The following GRK5 variants were observed in gnomAD, a reference collection of about 807,000 sequenced individuals.
The protein encoded by GRK5 is G protein-coupled receptor kinase 5.
In GRK5, 40 loss-of-function variants were observed where a neutral mutation model predicts 78.4. That is an observed-to-expected ratio of 0.51 (90% CI 0.40 to 0.66). The LOEUF is 0.66. GRK5 is among the 30% of genes least tolerant of loss of function. GRK5 has a pLI of 0.00. For missense variants in GRK5, 598 were observed against 759.9 expected, an observed-to-expected ratio of 0.79 and a Z score of 2.50; for synonymous variants, 289 against 296.8, an observed-to-expected ratio of 0.97 and a Z score of 0.27.
At chr10:119,296,752 A>AG (rs1850089087) in intron 1 of GRK5, among the ~76,000 whole-genome samples, 1 of 152,124 alleles carries the variant, frequency 6.6e-6, no homozygotes, top group African/African-American at 2.4e-5. Context: ...ACAACCCTTG[A>AG]GGGGGGTTGT....
chr10:119,430,593 A>G lies in GRK5; in HGVS notation c.597+155A>G, dbSNP rs1308235473. Among the ~76,000 whole-genome samples, 2 of 152,038 alleles carry G rather than the reference A, an allele frequency of 1.3e-5. No homozygotes were observed. The highest frequency in any genetic ancestry group is 2.9e-5 in the Non-Finnish European group (2 of 67,994). On this transcript the variant is annotated intron_variant, in intron 7 of 15. Transcript: ENST00000392870. The surrounding 1 kb of genome is among the most constrained non-coding windows in gnomAD (Gnocchi z 4.5). ...GGGGCAGTGAGGGTGGGAGAGAGTC[A>G]GTGGCCTTGGGGCTATCAGGTGTGT...
At chr10:119,366,054 C>T (rs556416514) in intron 2 of GRK5, among the ~76,000 whole-genome samples, 4 of 152,312 alleles carry the variant, frequency 2.6e-5, no homozygotes, top group South Asian at 2.1e-4. Flanking sequence ...TGCTCCAAGT[C>T]GGGTCCACCC....
At chr10:119,306,859 T>C (rs1431685721) in intron 1 of GRK5, among the ~76,000 whole-genome samples, 3 of 151,922 alleles carry the variant, frequency 2.0e-5, no homozygotes, top group Admixed American at 6.6e-5. Context: ...TGGGGAGACA[T>C]GGGGGATGCT....
chr10:119,392,581 T>G lies in GRK5; in HGVS notation c.262-4114T>G, dbSNP rs1271424812. Among the ~76,000 whole-genome samples, 3 of 152,180 alleles carry G rather than the reference T, an allele frequency of 2.0e-5. No individual in the cohort carries two copies. In the East Asian group the frequency reaches 5.8e-4, roughly 29 times the overall value. On this transcript the variant is annotated intron_variant, in intron 3 of 15. Coordinates refer to ENST00000392870, the MANE Select transcript of GRK5 (RefSeq NM_005308.3). ...CCATGCTTGGCTAATTTTTTGTATTTTTAGTGGAGACGGGGTTTCACTATG... is the reference window on the plus strand; with the variant it reads ...CCATGCTTGGCTAATTTTTTGTATTGTTAGTGGAGACGGGGTTTCACTATG...
chr10:119,441,921 C>T, intron 10 of GRK5, 78 bp from the exon 11 acceptor site: 1 of 1,155,684 alleles, frequency 8.7e-7, no homozygotes, highest in South Asian at 1.2e-5. Flanking sequence ...GCTCGTATGC[C>T]TTGCCCAAGG....
At chr10:119,266,911 A>C (rs1849507270) in intron 1 of GRK5, among the ~76,000 whole-genome samples, 1 of 151,678 alleles carries the variant, frequency 6.6e-6, no homozygotes, top group Non-Finnish European at 1.5e-5. Flanking sequence ...AGTAGCTAGC[A>C]CTGCAGGCGT....
At chr10:119,328,941 T>C (rs1386162854) in intron 2 of GRK5, among the ~76,000 whole-genome samples, 1 of 152,206 alleles carries the variant, frequency 6.6e-6, no homozygotes, top group Non-Finnish European at 1.5e-5. Context: ...AGAGCACCTG[T>C]CCTCTTCTGC....
At chr10:119,246,691 A>G (rs1448304065) in intron 1 of GRK5, among the ~76,000 whole-genome samples, 4 of 152,214 alleles carry the variant, frequency 2.6e-5, no homozygotes, top group Non-Finnish European at 5.9e-5. Context: ...ATCGGCTAGA[A>G]TTGTGTGGCA....
At chr10:119,316,170 A>G (rs1850484135) in intron 1 of GRK5, among the ~76,000 whole-genome samples, 1 of 152,162 alleles carries the variant, frequency 6.6e-6, no homozygotes, top group African/African-American at 2.4e-5. Context: ...CTCTGAGCTG[A>G]GAGCTGGGCT....
At chr10:119,424,944 T>G in intron 5 of GRK5, 49 bp from the exon 6 acceptor site, 1 of 1,341,444 alleles carries the variant, frequency 7.5e-7, no homozygotes. Context: ...CCCCCCTGCT[T>G]GAAGATCGGG....
rs1313395629 is a variant in GRK5, at chr10:119,378,036, C to T, written c.149-2779C>T. 1 of 154,398 alleles carries T rather than the reference C, an allele frequency of 6.5e-6. No individual in the cohort carries two copies. The highest frequency in any genetic ancestry group is 1.5e-5 in the Non-Finnish European group (1 of 68,224). 9.6% of individuals were successfully genotyped at this position (154,398 alleles called of 1,614,324 possible). ...TAACAGGTGCAGGCTGCAGACCTGT[C>T]ACAGGCCGCTGAGACCAGGTTCCCT... On this transcript the variant is annotated intron_variant, in intron 2 of 15. Coordinates refer to ENST00000392870, the MANE Select transcript of GRK5 (RefSeq NM_005308.3). This position sits in a 1 kb window ranked among gnomAD's most constrained non-coding sequence, Gnocchi z 4.5.
At chr10:119,310,544 T>A (rs906610586) in intron 1 of GRK5, among the ~76,000 whole-genome samples, 1 of 152,224 alleles carries the variant, frequency 6.6e-6, no homozygotes, top group Non-Finnish European at 1.5e-5. Flanking sequence ...TAAAAAATTA[T>A]TTTGCTTGGA....
rs776539506 is a variant in GRK5, at chr10:119,443,637, C to T, written c.1151C>T (p.Pro384Leu). The T allele has an allele frequency of 8.7e-6, 14 of 1,613,586 alleles. No homozygotes were observed. Among genetic ancestry groups the T allele is most frequent in the African/African-American group, 1.3e-5 (1 of 75,058 alleles). Residue 384 changes from proline (P) to leucine (L), a missense_variant, in exon 12 of 16, where the codon CCG becomes CTG. Physicochemically the swap from Pro to Leu is moderately conservative, Grantham distance 98 (BLOSUM62 -3). Coordinates refer to ENST00000392870, the MANE Select transcript of GRK5 (RefSeq NM_005308.3). ...LIYEMIEGQS[P>L]FRGRKEKVKR... ...TATGAGATGATCGAGGGCCAGTCGCCGTTCCGCGGCCGCAAGGAGAAGGTG... is the reference window on the plus strand; with the variant it reads ...TATGAGATGATCGAGGGCCAGTCGCTGTTCCGCGGCCGCAAGGAGAAGGTG...
At chr10:119,396,881 G>C in intron 4 of GRK5, 109 bp downstream of exon 4, 1 of 846,782 alleles carries the variant, frequency 1.2e-6, no homozygotes, top group Non-Finnish European at 2.0e-6. Flanking sequence ...GTGCTGGGCT[G>C]GTGGCTGTTG....
Position 119,446,735 on chromosome 10 carries a change from T to C in GRK5, c.1267-1388T>C, listed in dbSNP as rs534823821. On this transcript the variant is annotated intron_variant, in intron 12 of 15. Coordinates refer to ENST00000392870, the MANE Select transcript of GRK5 (RefSeq NM_005308.3). ...GCGACTGAGTGCTCTGCTTTGTCCT[T>C]TCAAGGGTGGAACCTGGTGCTGGCC... 2.0e-4 allele frequency among the ~76,000 whole-genome samples: 31 copies of C among 152,296 alleles called. 1 individual carries two copies. Among genetic ancestry groups the C allele is most frequent in the Admixed American group, 4.6e-4 (7 of 15,290 alleles).
At chr10:119,443,898 T>G (rs1853090837) in intron 12 of GRK5, 146 bp downstream of exon 12, 2 of 696,264 alleles carry the variant, frequency 2.9e-6, no homozygotes, top group Non-Finnish European at 4.7e-6. Context: ...CAAGCTAGAG[T>G]TGAGGGCACT....
At chr10:119,226,122 C>G (rs934951440) in intron 1 of GRK5, among the ~76,000 whole-genome samples, 3 of 151,796 alleles carry the variant, frequency 2.0e-5, no homozygotes, top group African/African-American at 7.3e-5. Flanking sequence ...GCTGGGATTA[C>G]AGGCATGAGC....
rs1369180266 is a variant in GRK5, at chr10:119,238,903, G to A, written c.52+30934G>A. 2.0e-5 allele frequency among the ~76,000 whole-genome samples: 3 copies of A among 152,126 alleles called. No homozygotes were observed. Among genetic ancestry groups the A allele is most frequent in the Non-Finnish European group, 4.4e-5 (3 of 68,010 alleles). On this transcript the variant is annotated intron_variant, in intron 1 of 15. Transcript: ENST00000392870. This position sits in a 1 kb window ranked among gnomAD's most constrained non-coding sequence, Gnocchi z 4.7. ...ATGGTTACTCTACCATGAAAGAGCA[G>A]AAAAAGCTGAGCAGAAAACTTTGTT...
intron 1 of GRK5, among the ~76,000 whole-genome samples, chr10:119,244,311 AT>A (rs1849072475): frequency 6.6e-6 from 1 of 152,296 alleles, no homozygotes. Context: ...AGTAAATTGT[AT>A]ATTTTTAAAT....
Sources: gnomAD v4.1 joint callset for allele counts (sites outside exome capture counted in the v4.1 genomes callset) on GRCh38, gnomAD v4.1.1 for gene constraint, Gnocchi (gnomAD v3.1) non-coding constraint, MANE v1.5 for transcripts, NCBI Gene and HGNC (gene_info 2026-07-23, HGNC 2026-07-21) for gene names.